Variants in CDKAL1 observed in about 807,000 individuals in gnomAD.
CDKAL1 encodes CDKAL1 threonylcarbamoyladenosine tRNA methylthiotransferase, also known as threonylcarbamoyladenosine tRNA methylthiotransferase.
CDKAL1 carries 32 observed loss-of-function variants against 68.2 expected under a neutral mutation model. That is an observed-to-expected ratio of 0.47 (90% CI 0.35 to 0.63). The LOEUF is 0.63. CDKAL1 is among the 30% of genes least tolerant of loss of function. The probability of loss-of-function intolerance (pLI) is 0.00; values close to 1 mark genes in which losing one functional copy is unlikely to be tolerated. For synonymous variants in CDKAL1, 234 were observed against 244.3 expected (o/e 0.96, Z 0.39); for missense variants, 606 against 696.7 (o/e 0.87, Z 1.47).
intron 4 of CDKAL1, among the ~76,000 whole-genome samples, chr6:20,648,162 A>G (rs1167479089): frequency 6.8e-6 from 1 of 146,322 alleles, no homozygotes; most frequent in East Asian, 2.0e-4. Flanking sequence ...GTCTTGCTCC[A>G]TCGCACAGGC....
chr6:20,634,907 G>T (rs184770394), intron 4 of CDKAL1, among the ~76,000 whole-genome samples: 237 of 150,950 alleles, frequency 1.6e-3, no homozygotes, highest in African/African-American at 5.4e-3. Context: ...AACCTGGGAG[G>T]TAGAGGTTGC....
chr6:20,664,359 A>G (rs1399593447), intron 5 of CDKAL1, among the ~76,000 whole-genome samples: 2 of 152,204 alleles, frequency 1.3e-5, no homozygotes, highest in Non-Finnish European at 2.9e-5. Context: ...AATATGTTTT[A>G]GAAGTCAACA....
chr6:21,061,293 G>A (rs999012179), intron 11 of CDKAL1, among the ~76,000 whole-genome samples: 7 of 151,970 alleles, frequency 4.6e-5, no homozygotes, highest in Non-Finnish European at 1.0e-4. Context: ...AAATATAGGA[G>A]AGAAAAAATA....
intron 5 of CDKAL1, among the ~76,000 whole-genome samples, chr6:20,699,195 T>A (rs978488939): frequency 6.6e-6 from 1 of 152,094 alleles, no homozygotes; most frequent in Admixed American, 6.5e-5. Context: ...CCTTAATAAA[T>A]GGCGAGGTGG....
chr6:20,609,302 T>TCCTCCTCCTCCCC (rs1288297411), intron 4 of CDKAL1, among the ~76,000 whole-genome samples: 1 of 147,268 alleles, frequency 6.8e-6, no homozygotes, highest in African/African-American at 2.5e-5. Flanking sequence ...CTCCTTCTCC[T>TCCTCCTCCTCCCC]CCTCCTCCTC....
chr6:20,785,579 G>A (rs550312945), intron 8 of CDKAL1, among the ~76,000 whole-genome samples: 5 of 152,086 alleles, frequency 3.3e-5, no homozygotes, highest in East Asian at 1.9e-4. Flanking sequence ...CCAAATTGCT[G>A]GGATTACAGG....
At chr6:20,665,426 G>A (rs1482415741) in intron 5 of CDKAL1, among the ~76,000 whole-genome samples, 2 of 152,090 alleles carry the variant, frequency 1.3e-5, no homozygotes. Flanking sequence ...CCTGTATACA[G>A]AATTACAGTG....
At chr6:20,805,359 G>T (rs1490371689) in intron 8 of CDKAL1, among the ~76,000 whole-genome samples, 1 of 152,150 alleles carries the variant, frequency 6.6e-6, no homozygotes, top group Admixed American at 6.5e-5. Context: ...TGCAATGCTG[G>T]TCAGCACACT....
chr6:21,164,283 A>C (rs1388118102), intron 13 of CDKAL1, among the ~76,000 whole-genome samples: 1 of 152,024 alleles, frequency 6.6e-6, no homozygotes, highest in African/African-American at 2.4e-5. Flanking sequence ...CAACCTTATA[A>C]ACAAGCTGGG....
At chr6:20,798,620 G>A (rs1473294153) in intron 8 of CDKAL1, among the ~76,000 whole-genome samples, 3 of 152,150 alleles carry the variant, frequency 2.0e-5, no homozygotes, top group South Asian at 4.1e-4. Flanking sequence ...GTAGGGACAT[G>A]GATGAAGCTG....
At chr6:20,653,289 G>A (rs1561999191) in intron 5 of CDKAL1, among the ~76,000 whole-genome samples, 1 of 152,050 alleles carries the variant, frequency 6.6e-6, no homozygotes, top group African/African-American at 2.4e-5. Context: ...ATTAGGTAAC[G>A]CCAATTTCTT....
intron 8 of CDKAL1, among the ~76,000 whole-genome samples, chr6:20,788,086 G>A (rs1423388235): frequency 6.6e-6 from 1 of 152,150 alleles, no homozygotes. Context: ...TAGTTGACCA[G>A]TACTTTCAAA....
rs58125738 is a variant in CDKAL1 at position 21,166,332 on chromosome 6, C to G, written c.1300-31689C>G. ...CTTTATTCTGTAGGTAATGAGGGAC[C>G]GTTAAAATGTTTCAGGTGATTAGAT... On this transcript the variant is annotated intron_variant, in intron 13 of 15. Transcript: ENST00000274695. 7.2e-5 allele frequency among the ~76,000 whole-genome samples: 11 copies of G among 152,130 alleles called. No individual in the cohort carries two copies. The South Asian group carries it at 1.7e-3, about 23-fold the overall frequency.
chr6:21,101,204 T>C (rs1424524688), intron 12 of CDKAL1, among the ~76,000 whole-genome samples: 54 of 152,244 alleles, frequency 3.5e-4, no homozygotes, highest in Non-Finnish European at 7.4e-5. Context: ...AGGGAACCGA[T>C]CCAGAATCAT....
At chr6:21,205,874 G>A (rs548900536) in intron 15 of CDKAL1, among the ~76,000 whole-genome samples, 52 of 107,900 alleles carry the variant, frequency 4.8e-4, no homozygotes, top group Admixed American at 9.2e-4. Flanking sequence ...TTGCTCTGTC[G>A]CCCAGGCTGG....
At position 20,687,904 on chromosome 6, in the gene CDKAL1, G is replaced by A. The variant is rs143318810; in HGVS notation, c.371+38527G>A. 2.8e-3 allele frequency among the ~76,000 whole-genome samples: 421 copies of A among 151,840 alleles called. 2 individuals carry two copies. The highest frequency in any genetic ancestry group is 9.4e-3 in the African/African-American group (390 of 41,366). On this transcript the variant is annotated intron_variant, in intron 5 of 15. Coordinates refer to ENST00000274695, the MANE Select transcript of CDKAL1 (RefSeq NM_017774.3). The stretch of plus-strand genomic sequence containing the variant: ...ATTTTTTTTTTTAATTTCTTGCAAG[G>A]TAGATCTACTGGCAAAAAAATCTCT...
intron 13 of CDKAL1, among the ~76,000 whole-genome samples, chr6:21,197,374 T>A (rs1778516817): frequency 2.0e-5 from 3 of 152,112 alleles, no homozygotes; most frequent in Admixed American, 1.3e-4. Context: ...TTGCTGTCTT[T>A]CTCTTTAAAA....
At chr6:21,188,127 A>G (rs998833607) in intron 13 of CDKAL1, among the ~76,000 whole-genome samples, 41 of 152,174 alleles carry the variant, frequency 2.7e-4, no homozygotes, top group African/African-American at 9.2e-4. Flanking sequence ...TTCATATTAT[A>G]TAACCTATAA....
At chr6:21,182,259 A>C (rs1291942334) in intron 13 of CDKAL1, among the ~76,000 whole-genome samples, 3 of 152,224 alleles carry the variant, frequency 2.0e-5, no homozygotes, top group African/African-American at 7.2e-5. Context: ...CCATTGATTT[A>C]TTTCAGTTTA....
Sources: gnomAD v4.1 joint callset for allele counts (sites outside exome capture counted in the v4.1 genomes callset) on GRCh38, gnomAD v4.1.1 for gene constraint, MANE v1.5 for transcripts, NCBI Gene and HGNC (gene_info 2026-07-23, HGNC 2026-07-21) for gene names.